CTNNA2: variants seen among roughly 807,000 people sequenced by gnomAD.
CTNNA2 encodes catenin alpha 2.
In CTNNA2, 42 loss-of-function variants were observed where a neutral mutation model predicts 101.0. The observed-to-expected ratio is 0.42, with a 90% CI of 0.32 to 0.54. The LOEUF is 0.54. Among genes scored for constraint, CTNNA2 ranks in the 20% least tolerant of loss-of-function variants. CTNNA2 has a pLI of 0.14. For synonymous variants in CTNNA2, 450 were observed against 456.4 expected (o/e 0.99, Z 0.18); for missense variants, 871 against 1,223.1 (o/e 0.71, Z 4.29).
At chr2:80,537,367 T>C (rs983853693) in intron 9 of CTNNA2, among the ~76,000 whole-genome samples, 1 of 152,194 alleles carries the variant, frequency 6.6e-6, no homozygotes, top group Non-Finnish European at 1.5e-5. Flanking sequence ...CTATTGTAAA[T>C]AGTGCTGCAT....
chr2:80,163,031 T>C, intron 7 of CTNNA2: 1 of 1,563,394 alleles, frequency 6.4e-7, no homozygotes, highest in East Asian at 2.2e-5. Context: ...AAAGTTTGAT[T>C]CCATTAAGTA....
intron 7 of CTNNA2, among the ~76,000 whole-genome samples, chr2:80,269,912 C>A (rs547606529): frequency 2.0e-5 from 3 of 151,940 alleles, no homozygotes; most frequent in South Asian, 2.1e-4. Context: ...GTGTTATGAG[C>A]GCCATTTGAG....
intron 1 of CTNNA2, among the ~76,000 whole-genome samples, chr2:79,524,076 A>C (rs1030557636): frequency 6.6e-6 from 1 of 152,000 alleles, no homozygotes; most frequent in African/African-American, 2.4e-5. Context: ...CTCTATTTTT[A>C]CATCTTTATT....
chr2:80,113,995 C>T (rs1484784129), intron 7 of CTNNA2, among the ~76,000 whole-genome samples: 1 of 152,182 alleles, frequency 6.6e-6, no homozygotes, highest in Non-Finnish European at 1.5e-5. Context: ...CAAACTCTTC[C>T]AGTGTTTATG....
At chr2:80,009,613 A>T (rs968807290) in intron 7 of CTNNA2, among the ~76,000 whole-genome samples, 9 of 152,170 alleles carry the variant, frequency 5.9e-5, no homozygotes, top group African/African-American at 1.7e-4. Flanking sequence ...AAAGTTTTTA[A>T]ATGAAAGCCT....
chr2:80,470,582 TAGAA>T, intron 9 of CTNNA2, among the ~76,000 whole-genome samples: 1 of 152,222 alleles, frequency 6.6e-6, no homozygotes, highest in Non-Finnish European at 1.5e-5. Flanking sequence ...CCAATGAGGT[TAGAA>T]AGAAGGGCAG....
intron 9 of CTNNA2, among the ~76,000 whole-genome samples, chr2:80,527,395 C>T (rs1690136804): frequency 6.6e-6 from 1 of 152,156 alleles, no homozygotes; most frequent in South Asian, 2.1e-4. Context: ...GATGACTGGG[C>T]CCCACCCCCA....
chr2:79,275,743 T>A (rs1675195420), intron 2 of CTNNA2, among the ~76,000 whole-genome samples: 1 of 152,092 alleles, frequency 6.6e-6, no homozygotes, highest in Non-Finnish European at 1.5e-5. Flanking sequence ...TTAACTTTTA[T>A]TTACTCAGCA....
At chr2:79,933,508 A>G (rs1193537437) in intron 7 of CTNNA2, among the ~76,000 whole-genome samples, 1 of 151,026 alleles carries the variant, frequency 6.6e-6, no homozygotes, top group African/African-American at 2.4e-5. Context: ...AGGCTGGAGT[A>G]CAATGGCAAG....
At chr2:80,427,357 T>C (rs1235159969) in intron 9 of CTNNA2, among the ~76,000 whole-genome samples, 1 of 152,186 alleles carries the variant, frequency 6.6e-6, no homozygotes, top group African/African-American at 2.4e-5. Context: ...AGAAAACACC[T>C]GCTGTTTGCT....
chr2:79,462,367 T>G (rs67125437), intron 4 of CTNNA2, among the ~76,000 whole-genome samples: 37,113 of 152,122 alleles, frequency 0.24, 4,773 homozygotes, highest in Middle Eastern at 0.34. Flanking sequence ...TGTTCTAGGC[T>G]CTGCCTTCCC....
rs537002074 is a variant in CTNNA2, at chr2:80,064,107, G to A, written c.1056+154310G>A. ...GAAAACAAAACAAAACAAAATTATAGTTGTCTTAGTACTCAAATCTTTGTT... is the reference window on the plus strand; with the variant it reads ...GAAAACAAAACAAAACAAAATTATAATTGTCTTAGTACTCAAATCTTTGTT... On this transcript the variant is annotated intron_variant, in intron 7 of 18. Coordinates refer to ENST00000402739, the MANE Select transcript of CTNNA2 (RefSeq NM_001282597.3). Among the ~76,000 whole-genome samples, 451 of 152,314 alleles carry A rather than the reference G, an allele frequency of 3.0e-3. 2 individuals are homozygous for A. Among genetic ancestry groups the A allele is most frequent in the African/African-American group, 9.8e-3 (408 of 41,570 alleles).
At chr2:79,574,495 C>T (rs1040895095) in intron 1 of CTNNA2, among the ~76,000 whole-genome samples, 18 of 152,242 alleles carry the variant, frequency 1.2e-4, no homozygotes, top group Non-Finnish European at 2.1e-4. Context: ...TGTGTTTGCT[C>T]GCTTAGGGTA....
At chr2:79,597,465 C>CAA (rs35049509) in intron 1 of CTNNA2, among the ~76,000 whole-genome samples, 11,196 of 138,548 alleles carry the variant, frequency 0.081, 561 homozygotes, top group African/African-American at 0.13. Flanking sequence ...GAGCGGGTCT[C>CAA]AAAAAAAAAA....
intron 7 of CTNNA2, among the ~76,000 whole-genome samples, chr2:79,941,983 T>C (rs894547884): frequency 6.6e-6 from 1 of 152,206 alleles, no homozygotes; most frequent in Non-Finnish European, 1.5e-5. Flanking sequence ...AATTCTCATA[T>C]TGTAATTAAT....
intron 7 of CTNNA2, among the ~76,000 whole-genome samples, chr2:80,077,052 A>G (rs1698804434): frequency 6.6e-6 from 1 of 152,084 alleles, no homozygotes; most frequent in African/African-American, 2.4e-5. Flanking sequence ...TCTCAAAACA[A>G]ACAAACAAAC....
chr2:80,166,723 AG>A (rs1248883793), intron 7 of CTNNA2, among the ~76,000 whole-genome samples: 1 of 152,090 alleles, frequency 6.6e-6, no homozygotes, highest in African/African-American at 2.4e-5. Flanking sequence ...TGAAGCTGGG[AG>A]GGGTGCAGTC....
intron 7 of CTNNA2, among the ~76,000 whole-genome samples, chr2:80,228,199 T>A (rs201037752): frequency 6.6e-6 from 1 of 152,318 alleles, no homozygotes; most frequent in East Asian, 1.9e-4. Context: ...TAATAAAATA[T>A]CTTTGACCAG....
At chr2:79,580,439 A>G (rs1409715367) in intron 1 of CTNNA2, among the ~76,000 whole-genome samples, 1 of 152,218 alleles carries the variant, frequency 6.6e-6, no homozygotes, top group Admixed American at 6.5e-5. Flanking sequence ...TACAACTTCA[A>G]GGAACTGAAT....
Sources: gnomAD v4.1 joint callset for allele counts (sites outside exome capture counted in the v4.1 genomes callset) on GRCh38, gnomAD v4.1.1 for gene constraint, MANE v1.5 for transcripts, NCBI Gene and HGNC (gene_info 2026-07-23, HGNC 2026-07-21) for gene names.